The following CUL4A variants were observed in gnomAD, a reference collection of about 807,000 sequenced individuals.
CUL4A encodes the protein cullin 4A.
In CUL4A, 16 loss-of-function variants were observed where a neutral mutation model predicts 95.5. The ratio of observed to expected loss-of-function variants is 0.17; its 90% CI spans 0.11 to 0.25. The LOEUF is 0.25. Ranked by LOEUF, CUL4A falls within the 10% of genes least tolerant of loss-of-function variation. The pLI is 1.00. For missense variants in CUL4A, 610 were observed against 937.0 expected, an observed-to-expected ratio of 0.65 and a Z score of 4.56; for synonymous variants, 380 against 353.1, an observed-to-expected ratio of 1.08 and a Z score of -0.85.
At chr13:113,234,110 C>G in intron 7 of CUL4A, 124 bp downstream of exon 7, 1 of 602,192 alleles carries the variant, frequency 1.7e-6, no homozygotes, top group Non-Finnish European at 2.9e-6. Context: ...CTTCTGAAAG[C>G]TGCAATCTTG....
At chr13:113,251,533 G>GGGGA (rs1365514974) in intron 15 of CUL4A, among the ~76,000 whole-genome samples, 1 of 152,128 alleles carries the variant, frequency 6.6e-6, no homozygotes, top group Non-Finnish European at 1.5e-5. Flanking sequence ...ACCACTGCTG[G>GGGGA]GGGAGGGCCC....
intron 7 of CUL4A, among the ~76,000 whole-genome samples, 181 bp downstream of exon 7, chr13:113,234,167 A>T (rs2041458633): frequency 6.6e-6 from 1 of 152,196 alleles, no homozygotes; most frequent in South Asian, 2.1e-4. Flanking sequence ...CTAAGAATTT[A>T]GTTTATGTGA....
chr13:113,228,150 T>G, intron 4 of CUL4A, 105 bp downstream of exon 4: 1 of 883,076 alleles, frequency 1.1e-6, no homozygotes, highest in South Asian at 1.4e-5. Context: ...TCTGTCTGTG[T>G]TCAGTGCTGT....
upstream of CUL4A, chr13:113,208,776 G>T (rs1053016563): frequency 9.1e-6 from 13 of 1,425,906 alleles, no homozygotes; most frequent in Admixed American, 3.5e-4. Context: ...GGAGAACCTG[G>T]GGACCGGCTC....
At chr13:113,246,439 AC>A (rs1164486573) in intron 15 of CUL4A, among the ~76,000 whole-genome samples, 20 of 152,342 alleles carry the variant, frequency 1.3e-4, no homozygotes, top group Non-Finnish European at 2.5e-4. Flanking sequence ...TACTTTAGCT[AC>A]ACTAAACCCT....
At chr13:113,244,311 G>T in intron 11 of CUL4A, 99 bp from the exon 12 acceptor site, 2 of 806,804 alleles carry the variant, frequency 2.5e-6, no homozygotes, top group Non-Finnish European at 2.0e-6. Flanking sequence ...TAGTCATTTT[G>T]GGAAGGTTCC....
intron 5 of CUL4A, 52 bp downstream of exon 5, chr13:113,229,571 C>T (rs746695164): frequency 2.7e-5 from 39 of 1,467,958 alleles, no homozygotes; most frequent in Admixed American, 5.3e-5. Flanking sequence ...TGATGCTTTT[C>T]GTCCCGTTTG....
intron 2 of CUL4A, among the ~76,000 whole-genome samples, chr13:113,213,733 A>C (rs944408809): frequency 3.9e-5 from 6 of 152,216 alleles, no homozygotes; most frequent in Admixed American, 3.9e-4. Context: ...AACCCTGAGA[A>C]CTAGGAGTGC....
At chr13:113,211,553 T>G (rs2040445967) in intron 2 of CUL4A, among the ~76,000 whole-genome samples, 1 of 152,078 alleles carries the variant, frequency 6.6e-6, no homozygotes, top group South Asian at 2.1e-4. Flanking sequence ...CCTGGCTAAT[T>G]TTTGTATTTT....
intron 18 of CUL4A, among the ~76,000 whole-genome samples, chr13:113,259,788 T>A (rs932906916): frequency 6.6e-6 from 1 of 152,236 alleles, no homozygotes; most frequent in Admixed American, 6.5e-5. Flanking sequence ...AAATAACTTT[T>A]AAAAATATTT....
chr13:113,209,270 C>T (rs1456471182), upstream of CUL4A, among the ~76,000 whole-genome samples: 19 of 147,482 alleles, frequency 1.3e-4, no homozygotes, highest in East Asian at 3.8e-3. Context: ...CCGCGGCACG[C>T]ATCCCCGAGC....
chr13:113,209,264 G>C (rs2040227847), upstream of CUL4A, among the ~76,000 whole-genome samples: 1 of 147,964 alleles, frequency 6.8e-6, no homozygotes, highest in Non-Finnish European at 1.5e-5. Context: ...GGGTGCCCGC[G>C]GCACGCATCC....
At chr13:113,253,347 A>G (rs1413881487) in intron 16 of CUL4A, 152 bp downstream of exon 16, 3 of 405,520 alleles carry the variant, frequency 7.4e-6, no homozygotes, top group Non-Finnish European at 1.3e-5. Flanking sequence ...TTAAAGGGTT[A>G]TTATTCCAAT....
At chr13:113,234,111 T>C (rs9549705) in intron 7 of CUL4A, 125 bp downstream of exon 7, 138,637 of 587,200 alleles carry the variant, frequency 0.24, 18,625 homozygotes, top group South Asian at 0.4. Context: ...TTCTGAAAGC[T>C]GCAATCTTGC....
chr13:113,208,761 C>A (rs2040172158), upstream of CUL4A: 1 of 1,447,060 alleles, frequency 6.9e-7, no homozygotes, highest in Non-Finnish European at 9.1e-7. Flanking sequence ...AGGTTGGTTC[C>A]GGAGGGAGAA....
In CUL4A at chr13:113,219,180, T is replaced by G. The variant is rs1567016356; in HGVS notation, c.368+132T>G. ...GCTTTTAAAGTTCTCTTTTATTTGA[T>G]AGGTTTGTAAGCGAAATTTACCATT... On this transcript the variant is annotated intron_variant, in intron 3 of 19. Coordinates refer to ENST00000375440, the MANE Select transcript of CUL4A (RefSeq NM_001008895.4). The G allele has an allele frequency of 9.1e-6, 5 of 551,060 alleles. No homozygotes were observed. In the East Asian group the frequency reaches 1.6e-4, roughly 17 times the overall value. The allele number at this position is 551,060 out of a possible 1,614,324, so 34.1% of individuals were successfully genotyped here.
At chr13:113,212,498 CAG>C (rs1420342745) in intron 2 of CUL4A, among the ~76,000 whole-genome samples, 12 of 152,196 alleles carry the variant, frequency 7.9e-5, no homozygotes, top group South Asian at 4.1e-4. Flanking sequence ...AATCTAGAGT[CAG>C]AGTCGGGTGC....
At chr13:113,240,004 AACTTTC>A (rs773180123) in intron 10 of CUL4A, among the ~76,000 whole-genome samples, 1 of 152,204 alleles carries the variant, frequency 6.6e-6, no homozygotes, top group Non-Finnish European at 1.5e-5. Flanking sequence ...TTATTACTTA[AACTTTC>A]ACTTTCATGT....
At chr13:113,238,323 T>C (rs1190602860) in intron 9 of CUL4A, among the ~76,000 whole-genome samples, 1 of 151,910 alleles carries the variant, frequency 6.6e-6, no homozygotes, top group Admixed American at 6.6e-5. Flanking sequence ...AGGTGGTGCA[T>C]GCCTAGGGTA....
Sources: gnomAD v4.1 joint callset for allele counts (sites outside exome capture counted in the v4.1 genomes callset) on GRCh38, gnomAD v4.1.1 for gene constraint, MANE v1.5 for transcripts, NCBI Gene and HGNC (gene_info 2026-07-23, HGNC 2026-07-21) for gene names.